Variants in TBC1D32 observed in about 807,000 individuals in gnomAD.
TBC1D32 encodes protein broad-minded.
In TBC1D32, 151 loss-of-function variants were observed where a neutral mutation model predicts 170.3. The observed-to-expected ratio is 0.89, with a 90% confidence interval of 0.78 to 1.01. The LOEUF is 1.01. Among genes scored for constraint, TBC1D32 ranks in the 50% least tolerant of loss-of-function variants. The pLI, the probability that TBC1D32 is intolerant of heterozygous loss-of-function variation, is 0.00. For missense variants in TBC1D32, 1,464 were observed against 1,457.1 expected, an observed-to-expected ratio of 1.00 and a Z score of -0.08; for synonymous variants, 498 against 488.0, an observed-to-expected ratio of 1.02 and a Z score of -0.27.
chr6:121,082,998 A>G (rs188573911), intron 31 of TBC1D32, among the ~76,000 whole-genome samples: 7 of 152,142 alleles, frequency 4.6e-5, no homozygotes, highest in Admixed American at 4.6e-4. Context: ...TCTACATTTT[A>G]CATTTTGTCT....
chr6:121,197,490 A>G (rs1451236611), intron 22 of TBC1D32, among the ~76,000 whole-genome samples: 1 of 152,174 alleles, frequency 6.6e-6, no homozygotes, highest in Non-Finnish European at 1.5e-5. Flanking sequence ...TTTGTTAAAA[A>G]CATGTTTGTG....
chr6:121,265,041 A>G (rs1563141734), intron 15 of TBC1D32, among the ~76,000 whole-genome samples: 1 of 152,214 alleles, frequency 6.6e-6, no homozygotes, highest in Non-Finnish European at 1.5e-5. Context: ...CCTATTAAAC[A>G]TAGTATTGGA....
chr6:121,154,627 T>C (rs1305954388), intron 24 of TBC1D32, among the ~76,000 whole-genome samples: 3 of 152,184 alleles, frequency 2.0e-5, no homozygotes, highest in Non-Finnish European at 2.9e-5. Flanking sequence ...CTTCTCGACA[T>C]AGGCTTTGGC....
At chr6:121,329,920 A>C (rs2128515216) in intron 1 of TBC1D32, among the ~76,000 whole-genome samples, 1 of 152,222 alleles carries the variant, frequency 6.6e-6, no homozygotes, top group Middle Eastern at 3.4e-3. Flanking sequence ...TTTTAGGTCA[A>C]AAAATAAGCT....
rs1382695869 is a variant in TBC1D32 at position 121,137,464 on chromosome 6, A to G, written c.2774-5712T>C. On this transcript the variant is annotated intron_variant, in intron 24 of 31. Coordinates refer to ENST00000398212, the MANE Select transcript of TBC1D32 (RefSeq NM_152730.6). ...CACTATGATTTATAGACAACTATGA[A>G]AAATTGGAAGAAGGTAAAAAAAAAA... Among the ~76,000 whole-genome samples, 4 of 140,692 alleles carry G rather than the reference A, an allele frequency of 2.8e-5. 1 individual carries two copies. The East Asian group carries it at 8.7e-4, about 31-fold the overall frequency. 92.3% of individuals were successfully genotyped at this position (140,692 alleles called of 152,430 possible). A position where few individuals can be genotyped will look rare whatever the true frequency, so the allele number is the denominator to read the frequency against.
intron 15 of TBC1D32, among the ~76,000 whole-genome samples, chr6:121,274,969 CA>C (rs906533166): frequency 5.3e-5 from 8 of 149,842 alleles, no homozygotes; most frequent in Non-Finnish European, 3.0e-5. Flanking sequence ...TAGCAACAAA[CA>C]AAAAAAAAGA....
chr6:121,152,924 C>G (rs144540552), intron 24 of TBC1D32, among the ~76,000 whole-genome samples: 225 of 152,216 alleles, frequency 1.5e-3, no homozygotes, highest in African/African-American at 5.2e-3. Flanking sequence ...AGGTTCTTAG[C>G]TTACTTGCAT....
chr6:121,286,390 G>A (rs1803832845), intron 12 of TBC1D32, among the ~76,000 whole-genome samples: 1 of 152,162 alleles, frequency 6.6e-6, no homozygotes, highest in African/African-American at 2.4e-5. Context: ...CGGTATCAGT[G>A]ATGGAAGATG....
At chr6:121,267,389 G>A (rs929142923) in intron 15 of TBC1D32, among the ~76,000 whole-genome samples, 10 of 152,138 alleles carry the variant, frequency 6.6e-5, no homozygotes, top group African/African-American at 1.2e-4. Context: ...TATGACAGAC[G>A]GTACCTGGAA....
chr6:121,098,051 T>TG (rs1387630274), intron 30 of TBC1D32, among the ~76,000 whole-genome samples: 2 of 149,062 alleles, frequency 1.3e-5, no homozygotes, highest in South Asian at 4.3e-4. Context: ...TATTGGGGAG[T>TG]GGGGGCCTAG....
At chr6:121,176,610 A>AC (rs1393313659) in intron 22 of TBC1D32, among the ~76,000 whole-genome samples, 1 of 150,468 alleles carries the variant, frequency 6.6e-6, no homozygotes, top group African/African-American at 2.5e-5. Context: ...TTCTCCCCCC[A>AC]CCCCCGAGAT....
At chr6:121,096,875 GC>G (rs1777479861) in intron 30 of TBC1D32, among the ~76,000 whole-genome samples, 1 of 151,952 alleles carries the variant, frequency 6.6e-6, no homozygotes, top group African/African-American at 2.4e-5. Context: ...CAGAACAGAG[GC>G]CTCAGAAATA....
intron 26 of TBC1D32, among the ~76,000 whole-genome samples, chr6:121,121,507 T>C (rs1780262425): frequency 6.6e-6 from 1 of 152,074 alleles, no homozygotes; most frequent in Non-Finnish European, 1.5e-5. Context: ...CTTTATTCAC[T>C]GCCCCTTAAG....
intron 20 of TBC1D32, among the ~76,000 whole-genome samples, chr6:121,226,169 T>C (rs1221426832): frequency 6.6e-6 from 1 of 152,150 alleles, no homozygotes; most frequent in Non-Finnish European, 1.5e-5. Context: ...TCAGTAATTG[T>C]GCCAAATGCT....
chr6:121,118,498 T>C (rs1269198162), intron 26 of TBC1D32, among the ~76,000 whole-genome samples: 2 of 152,240 alleles, frequency 1.3e-5, no homozygotes, highest in Non-Finnish European at 2.9e-5. Context: ...GTGTGGGTCA[T>C]GCATTCTGTT....
At chr6:121,111,268 G>C (rs1012097983) in intron 29 of TBC1D32, among the ~76,000 whole-genome samples, 5 of 152,054 alleles carry the variant, frequency 3.3e-5, no homozygotes, top group African/African-American at 1.2e-4. Flanking sequence ...ACAAAATTAT[G>C]GTTCAATATG....
At position 121,255,249 on chromosome 6, in the gene TBC1D32, G is replaced by T. The variant is rs1295684850; in HGVS notation, c.2018+79C>A. 3 of 833,178 alleles carry T rather than the reference G, an allele frequency of 3.6e-6. No individual in the cohort carries two copies. The Admixed American group carries it at 8.5e-5, about 24-fold the overall frequency. 51.6% of individuals were successfully genotyped at this position (833,178 alleles called of 1,614,324 possible). ...CATCCTGTAAAACATTTTTGCCATA[G>T]TATTCTATTACATTTTAATAATTTT... On this transcript the variant is annotated intron_variant, in intron 17 of 31. Transcript: ENST00000398212.
chr6:121,285,741 T>A (rs990669036), intron 12 of TBC1D32, among the ~76,000 whole-genome samples: 11 of 152,086 alleles, frequency 7.2e-5, no homozygotes, highest in Non-Finnish European at 1.6e-4. Flanking sequence ...CACCCCCCAG[T>A]AGGGGCAGAC....
chr6:121,316,875 T>C (rs1384189680), intron 3 of TBC1D32, among the ~76,000 whole-genome samples: 2 of 152,146 alleles, frequency 1.3e-5, no homozygotes, highest in East Asian at 1.9e-4. Flanking sequence ...CAGGCTTCTT[T>C]TGGCCTGATA....
Sources: allele counts gnomAD v4.1 joint callset (sites outside exome capture counted in the v4.1 genomes callset), GRCh38; gene constraint gnomAD v4.1.1; transcripts MANE v1.5; gene names NCBI Gene and HGNC (gene_info 2026-07-23, HGNC 2026-07-21).